Variants in TENM4 observed in about 807,000 individuals in gnomAD.
The protein encoded by TENM4 is teneurin transmembrane protein 4.
Under a neutral mutation model 243.3 loss-of-function variants are expected in TENM4, and 82 were observed. The observed-to-expected ratio is 0.34, with a 90% CI of 0.28 to 0.40. TENM4 has a LOEUF of 0.40. TENM4 is among the 10% of genes least tolerant of loss of function. TENM4 has a pLI of 1.00. For missense variants in TENM4, 3,138 were observed against 3,673.3 expected (o/e 0.85, Z 3.77); for synonymous variants, 1,412 against 1,456.3 (o/e 0.97, Z 0.69).
At position 78,812,121 on chromosome 11, in the gene TENM4, C is replaced by T; in HGVS notation, c.1978+1G>A. ...CCGGAGCTGCCACCTGCAACTCTTA[C>T]CTTCCTCACAGCTCTCGCCCTTGTA... is the stretch of plus-strand genomic sequence containing the variant. On this transcript the variant is annotated splice_donor_variant, in intron 14 of 33. Coordinates refer to ENST00000278550, the MANE Select transcript of TENM4 (RefSeq NM_001098816.3). LOFTEE classifies it high-confidence loss of function. 1 of 1,549,480 alleles carries T rather than the reference C, an allele frequency of 6.5e-7. No individual in the cohort carries two copies. Among genetic ancestry groups the T allele is most frequent in the Non-Finnish European group, 8.7e-7 (1 of 1,145,832 alleles).
chr11:78,692,826 A>G (rs1858859689), intron 28 of TENM4, among the ~76,000 whole-genome samples: 3 of 152,092 alleles, frequency 2.0e-5, no homozygotes, highest in Non-Finnish European at 2.9e-5. Flanking sequence ...TCTTCCCTCC[A>G]GTGTTGGCAT....
chr11:78,698,427 A>AACCAACCAACCAACCAAC (rs1324562908), intron 28 of TENM4, among the ~76,000 whole-genome samples: 5 of 130,140 alleles, frequency 3.8e-5, no homozygotes, highest in African/African-American at 1.6e-4. Flanking sequence ...AACCAACCAA[A>AACCAACCAACCAACCAAC]CAAACAAACA....
intron 3 of TENM4, among the ~76,000 whole-genome samples, chr11:79,183,753 A>G (rs1203091766): frequency 6.6e-6 from 1 of 152,184 alleles, no homozygotes. Flanking sequence ...AATAAAATGA[A>G]TGAACGAATG....
intron 1 of TENM4, among the ~76,000 whole-genome samples, chr11:79,427,981 C>T (rs1357446516): frequency 6.6e-6 from 1 of 152,196 alleles, no homozygotes; most frequent in Non-Finnish European, 1.5e-5. Flanking sequence ...TGACAGATTC[C>T]ATTCACTCAA....
chr11:79,423,532 T>G (rs1202819349), intron 1 of TENM4, among the ~76,000 whole-genome samples: 2 of 139,416 alleles, frequency 1.4e-5, no homozygotes, highest in African/African-American at 2.8e-5. Context: ...TGCTTACAAG[T>G]GCATTTTTTT....
intron 1 of TENM4, among the ~76,000 whole-genome samples, chr11:79,418,720 G>GC (rs1442927987): frequency 2.6e-5 from 4 of 152,188 alleles, no homozygotes; most frequent in Non-Finnish European, 5.9e-5. Context: ...CTGCCTGACT[G>GC]CCCCCATGCA....
intron 2 of TENM4, among the ~76,000 whole-genome samples, chr11:79,267,264 G>T (rs1452156624): frequency 1.3e-5 from 2 of 152,094 alleles, no homozygotes; most frequent in Non-Finnish European, 2.9e-5. Context: ...TTGGCCTATT[G>T]CAAAGCCTTC....
chr11:79,023,920 A>AG (rs1191785960), intron 6 of TENM4, among the ~76,000 whole-genome samples: 1 of 152,168 alleles, frequency 6.6e-6, no homozygotes, highest in Non-Finnish European at 1.5e-5. Flanking sequence ...TGCCACTACC[A>AG]GATACGATGG....
chr11:79,100,771 A>G (rs1322294409), intron 4 of TENM4, among the ~76,000 whole-genome samples: 2 of 152,166 alleles, frequency 1.3e-5, no homozygotes, highest in Non-Finnish European at 2.9e-5. Context: ...ATAAACTTAC[A>G]AGGAAGCCCC....
chr11:78,909,409 T>A (rs1230992329), intron 6 of TENM4, among the ~76,000 whole-genome samples: 2 of 152,222 alleles, frequency 1.3e-5, no homozygotes, highest in Non-Finnish European at 2.9e-5. Flanking sequence ...ACATAAAGGC[T>A]AAGCAATTTG....
In TENM4 at chr11:78,756,609, C is replaced by T. The variant is rs541006993; in HGVS notation, c.2756+196G>A. The T allele has an allele frequency of 6.8e-6, 4 of 589,674 alleles. No individual in the cohort carries two copies. The East Asian group carries it at 8.9e-5, about 13-fold the overall frequency. 36.5% of individuals were successfully genotyped at this position (589,674 alleles called of 1,614,324 possible). A position where few individuals can be genotyped will look rare whatever the true frequency, so the allele number is the denominator to read the frequency against. On this transcript the variant is annotated intron_variant, in intron 19 of 33. Transcript: ENST00000278550. Reference sequence around the variant, plus strand: ...CAACAAAACTTTGCTCATAAAAATTCCAAACTCCTTGGAGAGTAGTTTTAT... The same window carrying T: ...CAACAAAACTTTGCTCATAAAAATTTCAAACTCCTTGGAGAGTAGTTTTAT...
At chr11:78,916,737 A>G (rs1856325386) in intron 6 of TENM4, among the ~76,000 whole-genome samples, 1 of 142,568 alleles carries the variant, frequency 7.0e-6, no homozygotes, top group Non-Finnish European at 1.6e-5. Flanking sequence ...TCAGAAATCT[A>G]CTCACATCTT....
intron 2 of TENM4, among the ~76,000 whole-genome samples, chr11:79,232,834 C>T (rs1184286379): frequency 1.3e-5 from 2 of 152,248 alleles, no homozygotes; most frequent in African/African-American, 4.8e-5. Context: ...TGGGCAAAAG[C>T]TCACCAGGAC....
chr11:78,689,572 G>A (rs1406469166), intron 28 of TENM4, among the ~76,000 whole-genome samples: 2 of 152,120 alleles, frequency 1.3e-5, no homozygotes, highest in Non-Finnish European at 2.9e-5. Flanking sequence ...AGGTCAGAGA[G>A]TTCAGCTCTG....
At chr11:78,959,584 A>G (rs1857274881) in intron 6 of TENM4, among the ~76,000 whole-genome samples, 2 of 152,138 alleles carry the variant, frequency 1.3e-5, no homozygotes, top group Non-Finnish European at 2.9e-5. Flanking sequence ...AGAGGAACAG[A>G]CCAGTAAGGA....
chr11:78,801,566 G>C (rs1474381519), intron 15 of TENM4, among the ~76,000 whole-genome samples: 1 of 152,168 alleles, frequency 6.6e-6, no homozygotes, highest in Non-Finnish European at 1.5e-5. Flanking sequence ...TGAGGAACTT[G>C]TCAGCTCACA....
chr11:79,291,600 A>C (rs1291407793), intron 2 of TENM4, among the ~76,000 whole-genome samples: 2 of 152,142 alleles, frequency 1.3e-5, no homozygotes, highest in African/African-American at 4.8e-5. Flanking sequence ...TTAACCTCTC[A>C]GGGCTCTGCA....
chr11:78,745,510 A>C (rs2508576), intron 19 of TENM4, among the ~76,000 whole-genome samples: 1 of 151,604 alleles, frequency 6.6e-6, no homozygotes, highest in Non-Finnish European at 1.5e-5. Flanking sequence ...GATTACAGGC[A>C]TGAGCCACTG....
At position 79,034,683 on chromosome 11, in the gene TENM4, T is replaced by C. The variant is rs180992245; in HGVS notation, c.493+30055A>G. 4.2e-3 allele frequency among the ~76,000 whole-genome samples: 635 copies of C among 152,176 alleles called. 7 individuals are homozygous for C. The highest frequency in any genetic ancestry group is 0.014 in the African/African-American group (600 of 41,522). ...CTGTAAGATGCTAACGGGTGCTCCA[T>C]AGAAAGCTGTCTGTGGTCAGACGGG... is the stretch of plus-strand genomic sequence containing the variant. On this transcript the variant is annotated intron_variant, in intron 6 of 33. Coordinates refer to ENST00000278550, the MANE Select transcript of TENM4 (RefSeq NM_001098816.3).
Sources: gnomAD v4.1 joint callset for allele counts (sites outside exome capture counted in the v4.1 genomes callset) on GRCh38, gnomAD v4.1.1 for gene constraint, MANE v1.5 for transcripts, NCBI Gene and HGNC (gene_info 2026-07-23, HGNC 2026-07-21) for gene names.